Variants in CLDN16 observed in about 807,000 individuals in gnomAD.
CLDN16 encodes claudin 16.
A neutral mutation model predicts 24.6 loss-of-function variants in CLDN16; 13 were observed. That is an observed-to-expected ratio of 0.53 (90% CI 0.34 to 0.84). CLDN16 has a LOEUF of 0.84. CLDN16 is among the 40% of genes least tolerant of loss of function. CLDN16 has a pLI of 0.01. For missense variants in CLDN16, 298 were observed against 292.7 expected (o/e 1.02, Z -0.13); for synonymous variants, 116 against 106.7 (o/e 1.09, Z -0.54).
intron 1 of CLDN16, among the ~76,000 whole-genome samples, chr3:190,368,541 T>G (rs1211308856): frequency 6.6e-6 from 1 of 152,008 alleles, no homozygotes. Flanking sequence ...ACAGTGATTT[T>G]GACTAAACCA....
In CLDN16 at chr3:190,331,494, T is replaced by C. The variant is rs557611138; in HGVS notation, n.121+8833T>C. On this transcript the variant is annotated intron_variant and non_coding_transcript_variant, in intron 1 of 4. Transcript: ENST00000468220. ...CAACTTGATAGCCACTAGTCACACA[T>C]GGCTATTTAAATTTTAATTAATGAA... Among the ~76,000 whole-genome samples the C allele has an allele frequency of 2.6e-5, 4 of 152,310 alleles. No individual in the cohort carries two copies. The East Asian group carries it at 7.7e-4, about 29-fold the overall frequency.
chr3:190,312,810 T>C, the CLDN16 span: 6 of 1,577,396 alleles, frequency 3.8e-6, no homozygotes, highest in African/African-American at 4.0e-5. Flanking sequence ...TCCAACGTAA[T>C]AGATTTCAAA....
chr3:190,310,297 C>T, the CLDN16 span: 1 of 1,483,300 alleles, frequency 6.7e-7, no homozygotes, highest in Non-Finnish European at 9.4e-7. Flanking sequence ...CCATGGAACA[C>T]TGAGCCTAAA....
chr3:190,315,371 G>T, the CLDN16 span, among the ~76,000 whole-genome samples: 1 of 152,104 alleles, frequency 6.6e-6, no homozygotes, highest in African/African-American at 2.4e-5. Flanking sequence ...TCATCCTAAC[G>T]CAGGATGATA....
chr3:190,297,564 A>G, the CLDN16 span, among the ~76,000 whole-genome samples: 2 of 133,684 alleles, frequency 1.5e-5, no homozygotes, highest in Non-Finnish European at 3.2e-5. Context: ...GATATATAAT[A>G]TATAGTATAT....
At chr3:190,302,264 C>T in the CLDN16 span, among the ~76,000 whole-genome samples, 52 of 152,180 alleles carry the variant, frequency 3.4e-4, no homozygotes, top group Non-Finnish European at 6.3e-4. Context: ...CCAACCTTCT[C>T]AATAGTTCTT....
chr3:190,305,801 G>C, the CLDN16 span: 2 of 152,136 alleles, frequency 1.3e-5, no homozygotes, highest in African/African-American at 4.8e-5. Flanking sequence ...TCTGTTTCCA[G>C]GTGTGGTAGA....
intron 1 of CLDN16, among the ~76,000 whole-genome samples, chr3:190,342,392 AC>A (rs1231703289): frequency 6.6e-6 from 1 of 152,218 alleles, no homozygotes; most frequent in Non-Finnish European, 1.5e-5. Context: ...AAATCAACAT[AC>A]AAAAATCTGT....
At chr3:190,328,338 G>A (rs1439676905) in intron 1 of CLDN16, among the ~76,000 whole-genome samples, 1 of 152,046 alleles carries the variant, frequency 6.6e-6, no homozygotes, top group African/African-American at 2.4e-5. Flanking sequence ...ACAGAATCTA[G>A]GATATGATAC....
the CLDN16 span, among the ~76,000 whole-genome samples, chr3:190,293,993 A>T: frequency 1.6e-4 from 24 of 152,324 alleles, 1 homozygote; most frequent in Middle Eastern, 6.8e-3. Flanking sequence ...TAAACAAATG[A>T]TTCTGGAGTT....
At chr3:190,402,256 C>A in intron 1 of CLDN16, 81 bp from the exon 2 acceptor site, 1 of 1,071,320 alleles carries the variant, frequency 9.3e-7, no homozygotes, top group East Asian at 2.4e-5. Flanking sequence ...CAAACACAAC[C>A]ACCAACTTCT....
In CLDN16 at chr3:190,388,438, C is replaced by T. The variant is rs1560093977; in HGVS notation, c.109C>T (p.Leu37=). 8 of 1,613,968 alleles carry T rather than the reference C, an allele frequency of 5.0e-6. No individual in the cohort carries two copies. Among genetic ancestry groups the T allele is most frequent in the Non-Finnish European group, 6.8e-6 (8 of 1,179,926 alleles). Residue 37 remains leucine (L), a synonymous_variant, in exon 1 of 5, where the codon CTG becomes TTG. Coordinates refer to ENST00000264734, the MANE Select transcript of CLDN16 (RefSeq NM_006580.4). ...TTGGATGGTGAATGCTGATGACTCTCTGGAGGTAAGAAGATAGCAGCTTCT... is the reference window on the plus strand; with the variant it reads ...TTGGATGGTGAATGCTGATGACTCTTTGGAGGTAAGAAGATAGCAGCTTCT... ...DCWMVNADDS[L]EVSTKCRGLW... is the part of the protein sequence containing the mutation.
At chr3:190,389,555 T>C (rs1718597530) in intron 1 of CLDN16, among the ~76,000 whole-genome samples, 1 of 152,220 alleles carries the variant, frequency 6.6e-6, no homozygotes, top group African/African-American at 2.4e-5. Context: ...GCCTCTGACT[T>C]GAACATGGCA....
chr3:190,407,359 G>A (rs962384232), intron 3 of CLDN16, among the ~76,000 whole-genome samples: 4 of 152,010 alleles, frequency 2.6e-5, no homozygotes, highest in Admixed American at 6.6e-5. Context: ...TAACACTAAC[G>A]TTGATACAGC....
chr3:190,331,007 A>T (rs910548484), intron 1 of CLDN16, among the ~76,000 whole-genome samples: 3 of 152,216 alleles, frequency 2.0e-5, no homozygotes, highest in African/African-American at 7.2e-5. Context: ...AACCAGAATC[A>T]ATGAGTAAAC....
At chr3:190,348,893 A>C (rs554674740) in intron 1 of CLDN16, among the ~76,000 whole-genome samples, 1 of 152,122 alleles carries the variant, frequency 6.6e-6, no homozygotes, top group East Asian at 1.9e-4. Flanking sequence ...TTTAGCTCCC[A>C]CTTATAAGTG....
the CLDN16 span, among the ~76,000 whole-genome samples, chr3:190,317,396 C>T: frequency 6.6e-6 from 1 of 152,126 alleles, no homozygotes; most frequent in Non-Finnish European, 1.5e-5. Flanking sequence ...CATCATTTTC[C>T]ACCTGAAAGT....
At chr3:190,338,382 C>T (rs1717357470) in intron 1 of CLDN16, among the ~76,000 whole-genome samples, 1 of 152,196 alleles carries the variant, frequency 6.6e-6, no homozygotes, top group Non-Finnish European at 1.5e-5. Context: ...GTATTTTAGC[C>T]TGATTACCTA....
In CLDN16 at chr3:190,330,367, T is replaced by C. The variant is rs139741240; in HGVS notation, n.121+7706T>C. Among the ~76,000 whole-genome samples, 454 of 152,328 alleles carry C rather than the reference T, an allele frequency of 3.0e-3. 5 individuals carry two copies. The highest frequency in any genetic ancestry group is 0.01 in the African/African-American group (422 of 41,582). On this transcript the variant is annotated intron_variant and non_coding_transcript_variant, in intron 1 of 4. Transcript: ENST00000468220. ...ACTGAGGCTCACTCTCTGTGTGTCA[T>C]AATGAAGTTGTTTAAGTCAATATGG... is the stretch of plus-strand genomic sequence containing the variant.
Sources: allele counts gnomAD v4.1 joint callset (sites outside exome capture counted in the v4.1 genomes callset), GRCh38; gene constraint gnomAD v4.1.1; transcripts MANE v1.5; gene names NCBI Gene and HGNC (gene_info 2026-07-23, HGNC 2026-07-21).